The following JAG2 variants were observed in gnomAD, a reference collection of about 807,000 sequenced individuals.
JAG2 encodes the protein protein jagged-2.
In JAG2, 46 loss-of-function variants were observed where a neutral mutation model predicts 141.7. The observed-to-expected ratio is 0.32, with a 90% CI of 0.26 to 0.42. The LOEUF (loss-of-function observed/expected upper bound fraction) is 0.42. JAG2 is among the 10% of genes least tolerant of loss of function. The probability of loss-of-function intolerance (pLI) is 1.00; values close to 1 mark genes in which losing one functional copy is unlikely to be tolerated. For missense variants in JAG2, 1,500 were observed against 1,817.5 expected, an observed-to-expected ratio of 0.83 and a Z score of 3.18; for synonymous variants, 862 against 763.5, an observed-to-expected ratio of 1.13 and a Z score of -2.13.
At chr14:105,147,043 G>A (rs142401993) in intron 20 of JAG2, 159 of 601,910 alleles carry the variant, frequency 2.6e-4, no homozygotes, top group African/African-American at 2.3e-3. Context: ...ACAGCCCTGC[G>A]GCCACAGAGG....
intron 2 of JAG2, among the ~76,000 whole-genome samples, chr14:105,161,021 G>A (rs1340251804): frequency 6.6e-6 from 1 of 152,214 alleles, no homozygotes; most frequent in Admixed American, 6.5e-5. Context: ...TCATACCACA[G>A]ATCCAGACCC....
chr14:105,159,124 C>T (rs989265420), intron 2 of JAG2, among the ~76,000 whole-genome samples: 7 of 152,004 alleles, frequency 4.6e-5, no homozygotes, highest in Non-Finnish European at 7.4e-5. Flanking sequence ...CTCCAGGACC[C>T]CCACCCAGTC....
chr14:105,148,463 C>T lies in JAG2; in HGVS notation c.2021-24G>A, dbSNP rs781678080. On this transcript the variant is annotated intron_variant, in intron 15 of 25. Coordinates refer to ENST00000331782, the MANE Select transcript of JAG2 (RefSeq NM_002226.5). ...ATCTGGGGGCGAGGACGCCGGTCAG[C>T]GGGCGGGGGGTCACCGGCGCTCAGG... 1.5e-5 allele frequency: 22 copies of T among 1,503,626 alleles called. No individual in the cohort carries two copies. The East Asian group carries it at 3.3e-4, about 23-fold the overall frequency. 93.1% of individuals were successfully genotyped at this position (1,503,626 alleles called of 1,614,324 possible). A position where few individuals can be genotyped will look rare whatever the true frequency, so the allele number is the denominator to read the frequency against.
intron 25 of JAG2, 103 bp from the exon 26 acceptor site, chr14:105,143,273 G>A: frequency 7.1e-7 from 1 of 1,407,330 alleles, no homozygotes; most frequent in Non-Finnish European, 9.7e-7. Context: ...CAGGCGGCCG[G>A]GCCCCACCCT....
chr14:105,163,391 T>G (rs1215195705), intron 2 of JAG2, among the ~76,000 whole-genome samples: 1 of 151,912 alleles, frequency 6.6e-6, no homozygotes, highest in African/African-American at 2.4e-5. Flanking sequence ...CTTGCCTGGG[T>G]GTACCCCCAC....
chr14:105,151,182 GCCCAGCAGC>G lies in JAG2; in HGVS notation c.1268-87_1268-79del, dbSNP rs879116815. The G allele has an allele frequency of 7.2e-4, 904 of 1,252,294 alleles. 6 individuals carry two copies. The highest frequency in any genetic ancestry group is 4.2e-3 in the African/African-American group (259 of 61,142). The allele number at this position is 1,252,294 out of a possible 1,614,324, so 77.6% of individuals were successfully genotyped here. On this transcript the variant is annotated intron_variant, in intron 9 of 25. Coordinates refer to ENST00000331782, the MANE Select transcript of JAG2 (RefSeq NM_002226.5). ...GCAGCACGGGCACCTGGCACCCGCA[GCCCAGCAGC>G]CCCAGCAGCCCCAGCAGCCCCCGCA...
At chr14:105,166,496 C>G (rs587596639) in intron 2 of JAG2, among the ~76,000 whole-genome samples, 1 of 152,240 alleles carries the variant, frequency 6.6e-6, no homozygotes, top group Non-Finnish European at 1.5e-5. Flanking sequence ...GGACACTTTC[C>G]CCTCTCTGGG....
intron 2 of JAG2, among the ~76,000 whole-genome samples, chr14:105,164,330 TCCCCAGGGCTCTGGG>T (rs1888846844): frequency 6.6e-6 from 1 of 152,092 alleles, no homozygotes; most frequent in African/African-American, 2.4e-5. Flanking sequence ...CCCTGAGTTC[TCCCCAGGGCTCTGGG>T]CCCCAGGGCC....
chr14:105,165,488 C>A (rs1047390282), intron 2 of JAG2, among the ~76,000 whole-genome samples: 2 of 152,228 alleles, frequency 1.3e-5, no homozygotes, highest in African/African-American at 4.8e-5. Context: ...AGCCTGCTGG[C>A]ATGTGGTCCA....
chr14:105,162,802 G>A (rs898055042), intron 2 of JAG2, among the ~76,000 whole-genome samples: 2 of 140,136 alleles, frequency 1.4e-5, no homozygotes, highest in Non-Finnish European at 3.1e-5. Context: ...CAAAGCTCAG[G>A]GCACTCCAGG....
At chr14:105,146,897 A>G in intron 20 of JAG2, 173 bp from the exon 21 acceptor site, 2 of 685,158 alleles carry the variant, frequency 2.9e-6, no homozygotes, top group Non-Finnish European at 5.3e-6. Context: ...TCCTGAGCCC[A>G]GCCTGACCCT....
rs1198314812 is a variant in JAG2, at chr14:105,167,666, C to G, written c.417+91G>C. Reference sequence around the variant, plus strand: ...GGCGCGCGCGGCTCGCACGCAGACCCGGCCGCAGGTGTTGGGGGTCGCGAA... The same window carrying G: ...GGCGCGCGCGGCTCGCACGCAGACCGGGCCGCAGGTGTTGGGGGTCGCGAA... On this transcript the variant is annotated intron_variant, in intron 2 of 25. Coordinates refer to ENST00000331782, the MANE Select transcript of JAG2 (RefSeq NM_002226.5). This position sits in a 1 kb window ranked among gnomAD's most constrained non-coding sequence, Gnocchi z 4.8. 7.3e-6 allele frequency: 9 copies of G among 1,240,686 alleles called. No homozygotes were observed. Among genetic ancestry groups the G allele is most frequent in the East Asian group, 3.5e-5 (1 of 28,434 alleles). The allele number at this position is 1,240,686 out of a possible 1,614,324, so 76.9% of individuals were successfully genotyped here. A position where few individuals can be genotyped will look rare whatever the true frequency, so the allele number is the denominator to read the frequency against.
chr14:105,146,014 G>A (rs587686135), intron 22 of JAG2, 41 bp from the exon 23 acceptor site: 3 of 1,577,912 alleles, frequency 1.9e-6, no homozygotes, highest in Admixed American at 1.8e-5. Flanking sequence ...CAGGCGCACA[G>A]GAGGGTCAGA....
chr14:105,152,954 C>T (rs1046120082), intron 5 of JAG2, among the ~76,000 whole-genome samples: 1 of 152,176 alleles, frequency 6.6e-6, no homozygotes, highest in African/African-American at 2.4e-5. Flanking sequence ...TATCGGCCAA[C>T]GTCCTGTCTT....
At position 105,143,106 on chromosome 14, in the gene JAG2, G is replaced by A; in HGVS notation, c.3306C>T (p.Cys1102=). The A allele has an allele frequency of 3.1e-6, 5 of 1,599,332 alleles. No homozygotes were observed. The highest frequency in any genetic ancestry group is 2.2e-5 in the East Asian group (1 of 44,860). ...TCCTGCGCTTGCGTGTCCACCACAC[G>A]CACAGGACCACGCACGCCAGCCACA... ...SVLWLACVVL[C]VWWTRKRRKE... Residue 1102 remains cysteine (C), a synonymous_variant, in exon 26 of 26, where the codon TGC becomes TGT. Transcript: ENST00000331782.
At chr14:105,158,716 C>T (rs587702136) in intron 2 of JAG2, among the ~76,000 whole-genome samples, 1 of 152,214 alleles carries the variant, frequency 6.6e-6, no homozygotes, top group South Asian at 2.1e-4. Flanking sequence ...CTGGTGTGCT[C>T]TTGACCCCTG....
At chr14:105,147,284 G>A in intron 20 of JAG2, 42 bp downstream of exon 20, 1 of 1,494,356 alleles carries the variant, frequency 6.7e-7, no homozygotes, top group African/African-American at 1.4e-5. Flanking sequence ...CACCGCGGCT[G>A]GGCTGAGGGG....
chr14:105,143,341 G>T, intron 25 of JAG2, 141 bp downstream of exon 25: 1 of 1,294,670 alleles, frequency 7.7e-7, no homozygotes, highest in Non-Finnish European at 1.1e-6. Context: ...TCAGGTTGTG[G>T]GGCTGGGCGG....
chr14:105,146,110 C>T, intron 22 of JAG2, 137 bp from the exon 23 acceptor site: 2 of 1,400,956 alleles, frequency 1.4e-6, no homozygotes, highest in Non-Finnish European at 1.9e-6. Context: ...CCCCAGGGCC[C>T]AGCCCACCCC....
Sources: allele counts gnomAD v4.1 joint callset (sites outside exome capture counted in the v4.1 genomes callset), GRCh38; gene constraint gnomAD v4.1.1; non-coding constraint Gnocchi (gnomAD v3.1); transcripts MANE v1.5; gene names NCBI Gene and HGNC (gene_info 2026-07-23, HGNC 2026-07-21).